ACADVL: variants seen among roughly 807,000 people sequenced by gnomAD.
ACADVL encodes the protein very long-chain acyl-CoA dehydrogenase, mitochondrial.
In ACADVL, 73 loss-of-function variants were observed where a neutral mutation model predicts 80.4. That is an observed-to-expected ratio of 0.91 (90% CI 0.75 to 1.10). The LOEUF (loss-of-function observed/expected upper bound fraction) is 1.10, where lower values mean the gene tolerates loss of function less well. Among genes scored for constraint, ACADVL ranks in the 50% least tolerant of loss-of-function variants. ACADVL has a pLI of 0.00. For missense variants in ACADVL, 878 were observed against 858.9 expected, an observed-to-expected ratio of 1.02 and a Z score of -0.28; for synonymous variants, 392 against 326.5, an observed-to-expected ratio of 1.20 and a Z score of -2.16.
In ACADVL at chr17:7,221,138, A is replaced by C; in HGVS notation, c.477+80A>C. On this transcript the variant is annotated intron_variant, in intron 6 of 19. Coordinates refer to ENST00000356839, the MANE Select transcript of ACADVL (RefSeq NM_000018.4). Reference sequence around the variant, plus strand: ...CAGCTCTTTTGCCATAGACCTAGAGACTAGGGCTAAGGTCTCTTCTAAGCA... The same window carrying C: ...CAGCTCTTTTGCCATAGACCTAGAGCCTAGGGCTAAGGTCTCTTCTAAGCA... 6 of 1,600,648 alleles carry C rather than the reference A, an allele frequency of 3.7e-6. No individual in the cohort carries two copies. In the South Asian group the frequency reaches 6.6e-5, roughly 18 times the overall value.
intron 10 of ACADVL, 116 bp downstream of exon 10, chr17:7,222,981 G>C: frequency 6.8e-7 from 1 of 1,461,038 alleles, no homozygotes; most frequent in Non-Finnish European, 9.5e-7. Flanking sequence ...TCCCCTACCA[G>C]CAGCCCGACT....
intron 11 of ACADVL, 183 bp from the exon 12 acceptor site, chr17:7,223,461 C>G (rs1475177230): frequency 2.4e-6 from 2 of 822,270 alleles, no homozygotes; most frequent in African/African-American, 3.4e-5. Context: ...CTACCTCATC[C>G]CTTACATCCA....
At position 7,220,012 on chromosome 17, in the gene ACADVL, T is replaced by C. The variant is rs1265116066; in HGVS notation, c.28T>C (p.Leu10=). The C allele has an allele frequency of 1.2e-6, 2 of 1,604,882 alleles. No individual in the cohort carries two copies. The highest frequency in any genetic ancestry group is 1.7e-6 in the Non-Finnish European group (2 of 1,178,768). The change falls in exon 1 of 20, where the codon TTG becomes CTG. Residue 10 remains leucine (L), a synonymous_variant. Coordinates refer to ENST00000356839, the MANE Select transcript of ACADVL (RefSeq NM_000018.4). ...GCAGGCGGCTCGGATGGCCGCGAGCTTGGGGCGGCAGCTGCTGAGGCTCGG... is the reference window on the plus strand; with the variant it reads ...GCAGGCGGCTCGGATGGCCGCGAGCCTGGGGCGGCAGCTGCTGAGGCTCGG... MQAARMAAS[L]GRQLLRLGGG...
Position 7,223,161 on chromosome 17 carries a change from T to G in ACADVL, c.1106T>G (p.Phe369Cys). The G allele has an allele frequency of 1.9e-6, 3 of 1,614,008 alleles. No individual in the cohort carries two copies. Among genetic ancestry groups the G allele is most frequent in the East Asian group, 2.2e-5 (1 of 44,884 alleles). The stretch of plus-strand genomic sequence containing the variant: ...GATCATGCCACTAATCGTACCCAGT[T>G]TGGGGAGAAAATTCACAACTTTGGG... The part of the protein sequence containing the change: ...AVDHATNRTQ[F>C]GEKIHNFGLI... The change falls in exon 11 of 20, where the codon TTT becomes TGT. Residue 369 changes from phenylalanine (F) to cysteine (C), a missense_variant. Phe to Cys is a radical substitution (Grantham distance 205, BLOSUM62 -2). Transcript: ENST00000356839.
At chr17:7,220,700 TGGGTGGGGCCA>T in intron 4 of ACADVL, 24 bp downstream of exon 4, 1 of 1,614,190 alleles carries the variant, frequency 6.2e-7, no homozygotes, top group East Asian at 2.2e-5. Flanking sequence ...TAATCAGAGC[TGGGTGGGGCCA>T]GGGTGGTTTC....
chr17:7,221,002 G>A lies in ACADVL; in HGVS notation c.421G>A (p.Ala141Thr). ...TTWQGLKELG[A>T]FGLQVPSELG... ...TTGGCAGGGCCTCAAGGAGCTGGGG[G>A]CCTTTGGTCTGCAAGTGCCCAGTGA... The change falls in exon 6 of 20, where the codon GCC (alanine) becomes ACC (threonine). Residue 141 changes from alanine to threonine, a missense_variant. By Grantham distance (58) the Ala-to-Thr change is moderately conservative. Coordinates refer to ENST00000356839, the MANE Select transcript of ACADVL (RefSeq NM_000018.4). The A allele has an allele frequency of 1.2e-6, 2 of 1,614,080 alleles. No homozygotes were observed. The highest frequency in any genetic ancestry group is 2.2e-5 in the East Asian group (1 of 44,882).
At chr17:7,221,182 G>T (rs2071197367) in intron 6 of ACADVL, 124 bp downstream of exon 6, 2 of 1,496,160 alleles carry the variant, frequency 1.3e-6, no homozygotes, top group Non-Finnish European at 1.8e-6. Context: ...GGGTGCCTGT[G>T]GGATGGATGT....
upstream of ACADVL, chr17:7,219,930 A>AGGACGCGGGCGTGCG (rs2142958381): frequency 6.3e-7 from 1 of 1,575,004 alleles, no homozygotes; most frequent in Non-Finnish European, 8.6e-7. Context: ...GTGGGCGTGC[A>AGGACGCGGGCGTGCG]GGACGCCAGA....
chr17:7,219,118 A>C, upstream of ACADVL: 1 of 542,196 alleles, frequency 1.8e-6, no homozygotes, highest in Non-Finnish European at 3.3e-6. Flanking sequence ...GCTCAAAAAG[A>C]AGCTGAGCCC....
At position 7,221,015 on chromosome 17, in the gene ACADVL, A is replaced by C; in HGVS notation, c.434A>C (p.Gln145Pro). The C allele has an allele frequency of 6.2e-7, 1 of 1,613,994 alleles. No homozygotes were observed. The highest frequency in any genetic ancestry group is 8.5e-7 in the Non-Finnish European group (1 of 1,180,006). The stretch of plus-strand genomic sequence containing the variant: ...AAGGAGCTGGGGGCCTTTGGTCTGC[A>C]AGTGCCCAGTGAGCTGGGTGGTGTG... Reference protein sequence around the residue: ...GLKELGAFGLQVPSELGGVGL... With the variant: ...GLKELGAFGLPVPSELGGVGL... Residue 145 changes from glutamine to proline, a missense_variant, in exon 6 of 20, where the codon CAA becomes CCA. Transcript: ENST00000356839.
rs377669725 is a variant in ACADVL at position 7,223,392 on chromosome 17, G to A, written c.1182+155G>A. On this transcript the variant is annotated intron_variant, in intron 11 of 19. Transcript: ENST00000356839. ...GAGGCATAGTCAGCTCAGCTTCTGC[G>A]AAGAGAGACAGCAATGATGTTCTGC... The A allele has an allele frequency of 6.4e-5, 54 of 848,156 alleles. No homozygotes were observed. In the Middle Eastern group the frequency reaches 1.6e-3, roughly 24 times the overall value. The allele number at this position is 848,156 out of a possible 1,614,324, so 52.5% of individuals were successfully genotyped here.
At chr17:7,221,458 G>A (rs1471053845) in intron 6 of ACADVL, 80 bp from the exon 7 acceptor site, 3 of 1,199,210 alleles carry the variant, frequency 2.5e-6, no homozygotes, top group South Asian at 1.3e-5. Flanking sequence ...GTCAGGAACT[G>A]CCCTGTTGCC....
At chr17:7,217,565 G>C, upstream of ACADVL, 1 of 1,294,162 alleles carries the variant, frequency 7.7e-7, no homozygotes, top group Admixed American at 2.9e-5. Flanking sequence ...GTGGGGTGGG[G>C]GGGTTGGAAA....
chr17:7,224,474 CTT>C lies in ACADVL; in HGVS notation c.1606-5_1606-4del. 2 of 1,613,918 alleles carry C rather than the reference CTT, an allele frequency of 1.2e-6. No individual in the cohort carries two copies. The highest frequency in any genetic ancestry group is 1.7e-4 in the Middle Eastern group (1 of 6,058). ...TCTGAGCCCCGCACTGTCCCCATCT[CTT>C]AAGGCAGTACGGGCTCTGGAGCAGT... is the stretch of plus-strand genomic sequence containing the variant. On this transcript the variant is annotated splice_polypyrimidine_tract_variant and splice_region_variant and intron_variant, in intron 16 of 19. Coordinates refer to ENST00000356839, the MANE Select transcript of ACADVL (RefSeq NM_000018.4).
At chr17:7,217,754 C>A, upstream of ACADVL, 1 of 1,535,280 alleles carries the variant, frequency 6.5e-7, no homozygotes, top group Non-Finnish European at 8.7e-7. Context: ...AGCAGAAGCA[C>A]AGAGGCCCCT....
In ACADVL at chr17:7,225,258, A is replaced by AT. The variant is rs2071421892; in HGVS notation, c.*161_*162insT. On this transcript the variant is annotated 3_prime_UTR_variant, in exon 20 of 20. Coordinates refer to ENST00000356839, the MANE Select transcript of ACADVL (RefSeq NM_000018.4). ...TGCCTCGCAAATAATAAAAATTTCT[A>AT]GCCAGTCATGCTTTGCTCCTGTGTG... 3 of 965,194 alleles carry AT rather than the reference A, an allele frequency of 3.1e-6. No individual in the cohort carries two copies. Among genetic ancestry groups the AT allele is most frequent in the Non-Finnish European group, 4.6e-6 (3 of 649,270 alleles). The allele number at this position is 965,194 out of a possible 1,614,324, so 59.8% of individuals were successfully genotyped here.
Position 7,224,257 on chromosome 17 carries a change from C to G in ACADVL, c.1532+14C>G. ...ACAGCTGAGGCGGTAGGCTTAGGGC[C>G]AGAGCCAGGGGAGGGCAGGGTGGTG... On this transcript the variant is annotated intron_variant, in intron 15 of 19. Coordinates refer to ENST00000356839, the MANE Select transcript of ACADVL (RefSeq NM_000018.4). 1 of 1,613,714 alleles carries G rather than the reference C, an allele frequency of 6.2e-7. No homozygotes were observed. Among genetic ancestry groups the G allele is most frequent in the Non-Finnish European group, 8.5e-7 (1 of 1,180,022 alleles).
rs1009994523 is a variant in ACADVL at position 7,221,037 on chromosome 17, T to C, written c.456T>C (p.Gly152=). 1.9e-6 allele frequency: 3 copies of C among 1,613,642 alleles called. No individual in the cohort carries two copies. The highest frequency in any genetic ancestry group is 2.7e-5 in the African/African-American group (2 of 74,876). The change falls in exon 6 of 20, where the codon GGT becomes GGC. Residue 152 remains glycine, a synonymous_variant. Transcript: ENST00000356839. The stretch of plus-strand genomic sequence containing the variant: ...TGCAAGTGCCCAGTGAGCTGGGTGG[T>C]GTGGGCCTTTGCAACACCCAGGTGA... ...FGLQVPSELG[G]VGLCNTQYAR...
At position 7,224,515 on chromosome 17, in the gene ACADVL, G is replaced by T; in HGVS notation, c.1641G>T (p.Val547=). The T allele has an allele frequency of 6.2e-7, 1 of 1,613,426 alleles. No individual in the cohort carries two copies. The highest frequency in any genetic ancestry group is 1.1e-5 in the South Asian group (1 of 91,076). ...CTCTGGAGCAGTTTGCCACTGTGGTGGAGGCCAAGCTGATAAAACACAAGA... is the reference window on the plus strand; with the variant it reads ...CTCTGGAGCAGTTTGCCACTGTGGTTGAGGCCAAGCTGATAAAACACAAGA... ...VRALEQFATV[V]EAKLIKHKKG... Residue 547 remains valine, a synonymous_variant, in exon 17 of 20, where the codon GTG becomes GTT. Transcript: ENST00000356839.
Sources: gnomAD v4.1 joint callset for allele counts on GRCh38, gnomAD v4.1.1 for gene constraint, MANE v1.5 for transcripts, NCBI Gene and HGNC (gene_info 2026-07-23, HGNC 2026-07-21) for gene names.